The following MTRF1 variants were observed in gnomAD, a reference collection of about 807,000 sequenced individuals.
The protein encoded by MTRF1 is peptide chain release factor 1, mitochondrial.
A neutral mutation model predicts 62.9 loss-of-function variants in MTRF1; 51 were observed. The observed-to-expected ratio is 0.81, with a 90% CI of 0.65 to 1.02. The LOEUF (loss-of-function observed/expected upper bound fraction) is 1.02. MTRF1 is among the 50% of genes least tolerant of loss of function. The pLI is 0.00. For missense variants in MTRF1, 446 were observed against 530.0 expected (o/e 0.84, Z 1.56); for synonymous variants, 158 against 181.9 (o/e 0.87, Z 1.06).
At chr13:41,262,575 T>A (rs781571790) in intron 1 of MTRF1, 9 of 152,146 alleles carry the variant, frequency 5.9e-5, no homozygotes, top group Non-Finnish European at 8.8e-5. Flanking sequence ...CCAACAGAGA[T>A]AATCAAGAGC....
chr13:41,252,179 C>G (rs186068825), intron 5 of MTRF1: 3 of 152,526 alleles, frequency 2.0e-5, no homozygotes, highest in Non-Finnish European at 4.4e-5. Flanking sequence ...AGTGCCCAGC[C>G]ATTATAAATT....
chr13:41,269,293 G>A, the MTRF1 span, among the ~76,000 whole-genome samples: 1 of 141,988 alleles, frequency 7.0e-6, no homozygotes, highest in Non-Finnish European at 1.5e-5. Flanking sequence ...TCTGCCTCTC[G>A]AGTTCAAGCA....
At chr13:41,276,167 T>C in the MTRF1 span, among the ~76,000 whole-genome samples, 1 of 151,794 alleles carries the variant, frequency 6.6e-6, no homozygotes, top group Admixed American at 6.6e-5. Context: ...TCTCTTCATC[T>C]AATCAGTTCC....
chr13:41,250,496 A>ATT (rs1566143884), intron 5 of MTRF1, among the ~76,000 whole-genome samples: 1 of 151,260 alleles, frequency 6.6e-6, no homozygotes, highest in Admixed American at 6.6e-5. Context: ...ATTTACTCCA[A>ATT]ATTTTTTTTT....
chr13:41,233,933 A>G lies in MTRF1; in HGVS notation c.945T>C (p.Val315=), dbSNP rs2036034459. 2.5e-6 allele frequency: 4 copies of G among 1,614,046 alleles called. No homozygotes were observed. The highest frequency in any genetic ancestry group is 3.4e-6 in the Non-Finnish European group (4 of 1,180,012). ...FRAKGAGGQH[V]NKTDSAVRLV... ...GTCTGACGGCACTATCAGTTTTATT[A>G]ACATGCTGCCCTCCTGCTCCTTTGG... The change falls in exon 7 of 10, where the codon GTT becomes GTC. Residue 315 remains valine, a synonymous_variant. Transcript: ENST00000379480.
intron 2 of MTRF1, among the ~76,000 whole-genome samples, chr13:41,259,398 A>C (rs898390335): frequency 6.6e-6 from 1 of 152,218 alleles, no homozygotes; most frequent in Non-Finnish European, 1.5e-5. Flanking sequence ...TAATTCAGTA[A>C]TGAAAAGAAA....
intron 5 of MTRF1, among the ~76,000 whole-genome samples, chr13:41,242,716 G>C (rs979364528): frequency 3.3e-5 from 5 of 152,090 alleles, no homozygotes; most frequent in African/African-American, 4.8e-5. Context: ...CCAGAGCAAA[G>C]GACAAGTTTC....
At chr13:41,256,892 A>G (rs1243635965) in intron 2 of MTRF1, among the ~76,000 whole-genome samples, 2 of 152,226 alleles carry the variant, frequency 1.3e-5, no homozygotes, top group Non-Finnish European at 2.9e-5. Flanking sequence ...AAAAATGAGT[A>G]AGACACAGGA....
chr13:41,275,923 A>G, the MTRF1 span, among the ~76,000 whole-genome samples: 1 of 152,316 alleles, frequency 6.6e-6, no homozygotes, highest in East Asian at 1.9e-4. Flanking sequence ...GAAAAGGGTT[A>G]AAAGATGAAC....
At chr13:41,245,424 T>A (rs1010420393) in intron 5 of MTRF1, among the ~76,000 whole-genome samples, 2 of 151,936 alleles carry the variant, frequency 1.3e-5, no homozygotes, top group African/African-American at 4.8e-5. Flanking sequence ...AAATTTTTTG[T>A]AGAGACAAGA....
chr13:41,251,603 G>A (rs1007591824), intron 5 of MTRF1, among the ~76,000 whole-genome samples: 1 of 152,122 alleles, frequency 6.6e-6, no homozygotes, highest in African/African-American at 2.4e-5. Context: ...ACCACTGGTT[G>A]TATCTGAAAT....
the MTRF1 span, among the ~76,000 whole-genome samples, chr13:41,297,601 G>T: frequency 2.6e-5 from 4 of 151,478 alleles, no homozygotes; most frequent in Admixed American, 2.6e-4. Context: ...TCTGAGACCG[G>T]GTCTTGCTTT....
chr13:41,271,092 C>CACA, the MTRF1 span, among the ~76,000 whole-genome samples: 220 of 133,746 alleles, frequency 1.6e-3, 2 homozygotes, highest in African/African-American at 7.0e-3. Flanking sequence ...CACACACACA[C>CACA]CCCATATAGC....
the MTRF1 span, among the ~76,000 whole-genome samples, chr13:41,304,624 G>A: frequency 6.6e-6 from 1 of 152,180 alleles, no homozygotes; most frequent in Admixed American, 6.5e-5. Context: ...AGAACAAAGG[G>A]AGGGATTGTT....
chr13:41,310,151 A>G, the MTRF1 span, among the ~76,000 whole-genome samples: 6 of 152,214 alleles, frequency 3.9e-5, no homozygotes, highest in African/African-American at 1.4e-4. Flanking sequence ...CACACACCTT[A>G]CTACTAACCC....
At chr13:41,268,750 T>C in the MTRF1 span, among the ~76,000 whole-genome samples, 2 of 152,206 alleles carry the variant, frequency 1.3e-5, no homozygotes, top group South Asian at 4.1e-4. Context: ...TTGAACTTTC[T>C]GTTAAGAAAA....
chr13:41,289,892 T>C, the MTRF1 span, among the ~76,000 whole-genome samples: 1 of 152,098 alleles, frequency 6.6e-6, no homozygotes, highest in African/African-American at 2.4e-5. Flanking sequence ...ATCCAACATA[T>C]TCACCTGACC....
At chr13:41,294,633 T>C in the MTRF1 span, among the ~76,000 whole-genome samples, 1 of 152,086 alleles carries the variant, frequency 6.6e-6, no homozygotes, top group African/African-American at 2.4e-5. Flanking sequence ...GATAATAATG[T>C]TATATGAGAA....
At chr13:41,245,222 T>G (rs1239983447) in intron 5 of MTRF1, among the ~76,000 whole-genome samples, 4 of 151,296 alleles carry the variant, frequency 2.6e-5, no homozygotes, top group African/African-American at 9.7e-5. Flanking sequence ...AATCCTGATT[T>G]ATCAGATTCT....
Sources: gnomAD v4.1 joint callset for allele counts (sites outside exome capture counted in the v4.1 genomes callset) on GRCh38, gnomAD v4.1.1 for gene constraint, MANE v1.5 for transcripts, NCBI Gene and HGNC (gene_info 2026-07-23, HGNC 2026-07-21) for gene names.